Variants in EDIL3 observed in about 807,000 individuals in gnomAD.
The protein encoded by EDIL3 is EGF-like repeat and discoidin I-like domain-containing protein 3.
EDIL3 carries 37 observed loss-of-function variants against 67.4 expected under a neutral mutation model. That is an observed-to-expected ratio of 0.55 (90% confidence interval 0.42 to 0.72). The LOEUF is 0.72. Among genes scored for constraint, EDIL3 ranks in the 30% least tolerant of loss-of-function variants. EDIL3 has a pLI of 0.00. For synonymous variants in EDIL3, 195 were observed against 196.3 expected (o/e 0.99, Z 0.05); for missense variants, 527 against 586.3 (o/e 0.90, Z 1.04).
At chr5:84,333,675 T>C (rs954427017) in intron 1 of EDIL3, among the ~76,000 whole-genome samples, 1 of 152,184 alleles carries the variant, frequency 6.6e-6, no homozygotes, top group African/African-American at 2.4e-5. Context: ...AAATTAATAA[T>C]CAAGTAGAAT....
At chr5:84,303,109 G>T (rs920184624) in intron 1 of EDIL3, among the ~76,000 whole-genome samples, 1 of 152,248 alleles carries the variant, frequency 6.6e-6, no homozygotes. Flanking sequence ...CTGTACACTT[G>T]TCCTTTGTCC....
At chr5:84,069,066 C>T (rs1746691082) in intron 6 of EDIL3, among the ~76,000 whole-genome samples, 1 of 152,078 alleles carries the variant, frequency 6.6e-6, no homozygotes, top group African/African-American at 2.4e-5. Context: ...ATCCCACATA[C>T]TATGTAAAAG....
intron 1 of EDIL3, among the ~76,000 whole-genome samples, chr5:84,278,954 A>G (rs575533661): frequency 6.6e-6 from 1 of 151,992 alleles, no homozygotes; most frequent in Non-Finnish European, 1.5e-5. Context: ...ATATTTTTTC[A>G]CCACCCCCTC....
intron 4 of EDIL3, among the ~76,000 whole-genome samples, chr5:84,141,928 T>TATATATATATATATATATAC (rs1748200377): frequency 1.6e-5 from 2 of 121,306 alleles, no homozygotes. Context: ...TATATACACA[T>TATATATATATATATATATAC]ATATATATAT....
At chr5:84,117,252 G>A (rs972878743) in intron 5 of EDIL3, among the ~76,000 whole-genome samples, 3 of 151,636 alleles carry the variant, frequency 2.0e-5, no homozygotes, top group East Asian at 1.9e-4. Flanking sequence ...GGATGGTCTC[G>A]ATCTCCTGAC....
chr5:84,047,378 A>G (rs1268190483), intron 9 of EDIL3, among the ~76,000 whole-genome samples: 1 of 152,160 alleles, frequency 6.6e-6, no homozygotes, highest in Non-Finnish European at 1.5e-5. Context: ...AAGATACTAA[A>G]CCAAATAAAT....
intron 6 of EDIL3, among the ~76,000 whole-genome samples, chr5:84,104,210 A>G (rs1392419636): frequency 1.3e-5 from 2 of 151,976 alleles, no homozygotes; most frequent in African/African-American, 4.8e-5. Flanking sequence ...ATGAAATAAC[A>G]GATAGTGGGA....
At chr5:83,983,111 A>T (rs1744998712) in intron 9 of EDIL3, among the ~76,000 whole-genome samples, 1 of 152,160 alleles carries the variant, frequency 6.6e-6, no homozygotes, top group Admixed American at 6.6e-5. Context: ...CATATGAACT[A>T]GTATGGGTTT....
At chr5:84,041,154 A>G (rs1239498077) in intron 9 of EDIL3, among the ~76,000 whole-genome samples, 1 of 151,714 alleles carries the variant, frequency 6.6e-6, no homozygotes, top group African/African-American at 2.4e-5. Flanking sequence ...AAAACACAAA[A>G]CAAACCAAGA....
intron 2 of EDIL3, among the ~76,000 whole-genome samples, 173 bp downstream of exon 2, chr5:84,253,911 T>C (rs954606196): frequency 6.6e-6 from 1 of 152,068 alleles, no homozygotes; most frequent in Non-Finnish European, 1.5e-5. Flanking sequence ...ACACAATTAA[T>C]ATAATTTCAA....
intron 1 of EDIL3, among the ~76,000 whole-genome samples, chr5:84,344,914 A>G (rs535377199): frequency 1.3e-5 from 2 of 152,284 alleles, no homozygotes; most frequent in African/African-American, 4.8e-5. Context: ...AAATTATAAT[A>G]TCACTTTCAA....
At chr5:84,133,464 C>CAAAAAAAAAAAAAAAAAAA (rs5869210) in intron 5 of EDIL3, among the ~76,000 whole-genome samples, 1 of 86,536 alleles carries the variant, frequency 1.2e-5, no homozygotes, top group Non-Finnish European at 2.2e-5. Flanking sequence ...ACTAAAAATA[C>CAAAAAAAAAAAAAAAAAAA]AAAAAAAAAA....
chr5:84,377,055 G>A (rs564419911), intron 1 of EDIL3, among the ~76,000 whole-genome samples: 3 of 152,254 alleles, frequency 2.0e-5, no homozygotes, highest in Non-Finnish European at 2.9e-5. Flanking sequence ...GGCCGGGCGC[G>A]GTGGCTCACG....
At chr5:84,207,255 GACAA>G (rs1222597618) in intron 3 of EDIL3, among the ~76,000 whole-genome samples, 3 of 152,076 alleles carry the variant, frequency 2.0e-5, no homozygotes, top group South Asian at 2.1e-4. Flanking sequence ...ACCAATAACA[GACAA>G]ACAGAGAGCC....
At chr5:84,021,020 G>C (rs1287082421) in intron 9 of EDIL3, among the ~76,000 whole-genome samples, 1 of 151,974 alleles carries the variant, frequency 6.6e-6, no homozygotes, top group African/African-American at 2.4e-5. Context: ...AAGTCAGTCA[G>C]AGAAAGAAAA....
At chr5:84,362,330 A>C (rs1332143652) in intron 1 of EDIL3, among the ~76,000 whole-genome samples, 1 of 152,084 alleles carries the variant, frequency 6.6e-6, no homozygotes, top group Non-Finnish European at 1.5e-5. Context: ...ACACCATGTG[A>C]ATAAGGCTTA....
chr5:84,301,478 T>C (rs1045939372), intron 1 of EDIL3, among the ~76,000 whole-genome samples: 2 of 152,206 alleles, frequency 1.3e-5, no homozygotes, highest in African/African-American at 2.4e-5. Context: ...CATATTCTTA[T>C]TCTTTTAAGC....
intron 9 of EDIL3, among the ~76,000 whole-genome samples, chr5:84,015,252 A>C (rs1745582052): frequency 6.6e-6 from 1 of 152,180 alleles, no homozygotes; most frequent in South Asian, 2.1e-4. Context: ...ATATCACAAT[A>C]ACACAATGGT....
chr5:84,028,942 GACAGTGAA>G (rs1485891294), intron 9 of EDIL3, among the ~76,000 whole-genome samples: 4 of 152,058 alleles, frequency 2.6e-5, no homozygotes, highest in African/African-American at 9.7e-5. Flanking sequence ...TTGTTCTCAT[GACAGTGAA>G]TAAATCTCAC....
Sources: gnomAD v4.1 joint callset for allele counts (sites outside exome capture counted in the v4.1 genomes callset) on GRCh38, gnomAD v4.1.1 for gene constraint, MANE v1.5 for transcripts, NCBI Gene and HGNC (gene_info 2026-07-23, HGNC 2026-07-21) for gene names.